GSDMC: variants seen among roughly 807,000 people sequenced by gnomAD.
The protein encoded by GSDMC is gasdermin-C.
A neutral mutation model predicts 58.0 loss-of-function variants in GSDMC; 59 were observed. That is an observed-to-expected ratio of 1.02 (90% CI 0.82 to 1.26). The LOEUF (loss-of-function observed/expected upper bound fraction) is 1.26. GSDMC is among the 50% of genes most tolerant of loss of function. The pLI is 0.00. For synonymous variants in GSDMC, 241 were observed against 220.2 expected, an observed-to-expected ratio of 1.09 and a Z score of -0.83; for missense variants, 659 against 598.5, an observed-to-expected ratio of 1.10 and a Z score of -1.06.
rs188378866 is a variant in GSDMC at position 129,757,623 on chromosome 8, G to A, written c.721+2922C>T. Among the ~76,000 whole-genome samples the A allele has an allele frequency of 1.1e-3, 161 of 152,002 alleles. 1 individual carries two copies. The highest frequency in any genetic ancestry group is 1.6e-3 in the Non-Finnish European group (110 of 67,960). ...AAAAAAGAAAAAAGAAACCCTATAG[G>A]CAATATCTCTGATGAATATTGATGC... On this transcript the variant is annotated intron_variant, in intron 6 of 13. Transcript: ENST00000276708.
In GSDMC at chr8:129,750,083, C is replaced by G. The variant is rs778432458; in HGVS notation, c.1120G>C (p.Gly374Arg). Residue 374 changes from glycine to arginine, a missense_variant, in exon 12 of 14, where the codon GGT becomes CGT. Gly to Arg is a moderately radical substitution (Grantham distance 125). Coordinates refer to ENST00000276708, the MANE Select transcript of GSDMC (RefSeq NM_031415.3). ...LDSSGHLDGPGGAILKKLQQD... is the reference protein window; with the variant it reads ...LDSSGHLDGPRGAILKKLQQD... ...TGAAGTTTCTTTAGGATGGCACCAC[C>G]AGGGCCATCCAAATGACCTGAGCTG... 3.8e-6 allele frequency: 6 copies of G among 1,597,704 alleles called. No individual in the cohort carries two copies. The highest frequency in any genetic ancestry group is 4.5e-5 in the East Asian group (2 of 44,762).
intron 6 of GSDMC, among the ~76,000 whole-genome samples, chr8:129,759,368 C>A (rs773012944): frequency 6.6e-6 from 1 of 151,996 alleles, no homozygotes. Context: ...CAAATGGGAT[C>A]GCATCAAGTT....
In GSDMC at chr8:129,751,538, T is replaced by G. The variant is rs1449410692; in HGVS notation, c.943+4A>C. On this transcript the variant is annotated splice_donor_region_variant and intron_variant, in intron 10 of 13. Coordinates refer to ENST00000276708, the MANE Select transcript of GSDMC (RefSeq NM_031415.3). ...CCCCAGGTTCCCCCTTAATAAATACTTACTTTGCCAGAAGGGTTCCTCTAT... is the reference window on the plus strand; with the variant it reads ...CCCCAGGTTCCCCCTTAATAAATACGTACTTTGCCAGAAGGGTTCCTCTAT... 1 of 1,610,752 alleles carries G rather than the reference T, an allele frequency of 6.2e-7. No individual in the cohort carries two copies. The highest frequency in any genetic ancestry group is 2.2e-5 in the East Asian group (1 of 44,680).
chr8:129,770,127 T>A (rs189018188), intron 3 of GSDMC, among the ~76,000 whole-genome samples: 1 of 152,210 alleles, frequency 6.6e-6, no homozygotes, highest in Non-Finnish European at 1.5e-5. Flanking sequence ...AATCTTAATA[T>A]CAATAACCTA....
In GSDMC at chr8:129,777,444, T is replaced by A; in HGVS notation, c.144A>T (p.Ser48=). The part of the protein sequence containing the change: ...ILRKKKDSRS[S]FWEQSDYVPV... ...GAACATAGTCAGATTGTTCCCAAAATGATGAACGAGAATCCTTCTTCTTTC... is the reference window on the plus strand; with the variant it reads ...GAACATAGTCAGATTGTTCCCAAAAAGATGAACGAGAATCCTTCTTCTTTC... Residue 48 remains serine, a synonymous_variant, in exon 2 of 14, where the codon TCA becomes TCT. Transcript: ENST00000276708. The A allele has an allele frequency of 6.2e-7, 1 of 1,613,826 alleles. No homozygotes were observed. The highest frequency in any genetic ancestry group is 8.5e-7 in the Non-Finnish European group (1 of 1,179,684).
downstream of GSDMC, among the ~76,000 whole-genome samples, chr8:129,743,372 A>C (rs927722718): frequency 6.6e-6 from 1 of 152,146 alleles, no homozygotes; most frequent in Admixed American, 6.6e-5. Flanking sequence ...AAGCCTGTAC[A>C]GTGTATTTTT....
chr8:129,725,459 T>TA, the GSDMC span, among the ~76,000 whole-genome samples: 23 of 152,218 alleles, frequency 1.5e-4, no homozygotes, highest in African/African-American at 5.3e-4. Flanking sequence ...GCATCTCAGT[T>TA]ACTTATCACC....
rs760367904 is a variant in GSDMC at position 129,748,751 on chromosome 8, G to T, written c.1288-11C>A. Reference sequence around the variant, plus strand: ...CAGGATGCTCCTTACCTAGAAGAAAGATGATCAGGTTCTACAGACCAGCCT... The same window carrying T: ...CAGGATGCTCCTTACCTAGAAGAAATATGATCAGGTTCTACAGACCAGCCT... On this transcript the variant is annotated splice_polypyrimidine_tract_variant and intron_variant, in intron 13 of 13. Transcript: ENST00000276708. 9 of 1,508,204 alleles carry T rather than the reference G, an allele frequency of 6.0e-6. No individual in the cohort carries two copies. The highest frequency in any genetic ancestry group is 1.8e-4 in the Middle Eastern group (1 of 5,600). 93.4% of individuals were successfully genotyped at this position (1,508,204 alleles called of 1,614,324 possible).
At chr8:129,771,985 C>G (rs2034066284) in intron 3 of GSDMC, among the ~76,000 whole-genome samples, 1 of 152,074 alleles carries the variant, frequency 6.6e-6, no homozygotes, top group South Asian at 2.1e-4. Context: ...GAAGAACAGG[C>G]CAGGCGCAGT....
At chr8:129,779,975 A>G (rs2034358492) in intron 1 of GSDMC, among the ~76,000 whole-genome samples, 2 of 152,208 alleles carry the variant, frequency 1.3e-5, no homozygotes, top group East Asian at 3.9e-4. Flanking sequence ...TGAAAAATAC[A>G]TTGACCTACA....
At chr8:129,767,943 G>A (rs1386806904) in intron 3 of GSDMC, among the ~76,000 whole-genome samples, 4 of 152,056 alleles carry the variant, frequency 2.6e-5, no homozygotes, top group Non-Finnish European at 5.9e-5. Flanking sequence ...TCTGACAAGA[G>A]GTGATTGTGG....
intron 6 of GSDMC, among the ~76,000 whole-genome samples, chr8:129,756,221 C>A (rs2033428772): frequency 6.7e-6 from 1 of 149,286 alleles, no homozygotes; most frequent in Admixed American, 6.7e-5. Context: ...TTACATCAGA[C>A]AAAATAGATT....
downstream of GSDMC, among the ~76,000 whole-genome samples, chr8:129,746,073 C>T (rs928830832): frequency 6.6e-5 from 10 of 151,994 alleles, no homozygotes; most frequent in South Asian, 4.2e-4. Context: ...GAGCATGGTG[C>T]GGGGTAGGGG....
At chr8:129,738,903 A>C in the GSDMC span, among the ~76,000 whole-genome samples, 4 of 152,212 alleles carry the variant, frequency 2.6e-5, no homozygotes, top group Non-Finnish European at 4.4e-5. Context: ...CTAGATTTGA[A>C]AAACTCACTT....
chr8:129,764,322 G>GT (rs1022467138), intron 4 of GSDMC, among the ~76,000 whole-genome samples: 2 of 152,146 alleles, frequency 1.3e-5, no homozygotes, highest in African/African-American at 4.8e-5. Context: ...AGTGGTTGGG[G>GT]TTTTTTTAGT....
At chr8:129,727,541 G>A in the GSDMC span, among the ~76,000 whole-genome samples, 1 of 152,190 alleles carries the variant, frequency 6.6e-6, no homozygotes, top group African/African-American at 2.4e-5. Flanking sequence ...CCGAGGGAGA[G>A]CACTTTGTTT....
intron 1 of GSDMC, among the ~76,000 whole-genome samples, chr8:129,784,222 C>A (rs1357730125): frequency 6.6e-6 from 1 of 151,974 alleles, no homozygotes; most frequent in African/African-American, 2.4e-5. Flanking sequence ...CACAGGCAAC[C>A]AAAGCAAAAA....
At chr8:129,717,408 T>C in the GSDMC span, among the ~76,000 whole-genome samples, 2 of 152,122 alleles carry the variant, frequency 1.3e-5, no homozygotes, top group African/African-American at 4.8e-5. Context: ...ATTTTCTAGT[T>C]TATTTGTGTA....
the GSDMC span, among the ~76,000 whole-genome samples, chr8:129,717,806 C>T: frequency 3.3e-5 from 5 of 152,130 alleles, no homozygotes; most frequent in African/African-American, 9.7e-5. Context: ...CAGTATAGTA[C>T]TGGTACCAAA....
Sources: allele counts gnomAD v4.1 joint callset (sites outside exome capture counted in the v4.1 genomes callset), GRCh38; gene constraint gnomAD v4.1.1; transcripts MANE v1.5; gene names NCBI Gene and HGNC (gene_info 2026-07-23, HGNC 2026-07-21).